ANKS1B: variants seen among roughly 807,000 people sequenced by gnomAD.
The protein encoded by ANKS1B is ankyrin repeat and sterile alpha motif domain containing 1B.
A neutral mutation model predicts 148.3 loss-of-function variants in ANKS1B; 36 were observed. The observed-to-expected ratio is 0.24, with a 90% CI of 0.19 to 0.32. The LOEUF is 0.32. Ranked by LOEUF, ANKS1B falls within the 10% of genes least tolerant of loss-of-function variation. The probability of loss-of-function intolerance (pLI) is 1.00; values close to 1 mark genes in which losing one functional copy is unlikely to be tolerated. For synonymous variants in ANKS1B, 542 were observed against 560.8 expected (o/e 0.97, Z 0.47); for missense variants, 1,157 against 1,542.6 (o/e 0.75, Z 4.19).
chr12:99,574,084 T>G (rs1238507587), intron 9 of ANKS1B, among the ~76,000 whole-genome samples: 1 of 152,176 alleles, frequency 6.6e-6, no homozygotes, highest in East Asian at 1.9e-4. Context: ...ACATCCAGTG[T>G]TTTGTCAGTG....
chr12:99,443,967 A>G (rs558141194), intron 10 of ANKS1B, among the ~76,000 whole-genome samples, 158 bp from the exon 11 acceptor site: 9 of 152,120 alleles, frequency 5.9e-5, no homozygotes, highest in African/African-American at 2.2e-4. Context: ...TATTTTAAAG[A>G]TAATGCTTTT....
intron 10 of ANKS1B, among the ~76,000 whole-genome samples, chr12:99,464,155 C>A (rs2096051972): frequency 6.6e-6 from 1 of 152,180 alleles, no homozygotes; most frequent in South Asian, 2.1e-4. Flanking sequence ...GTTCTGCAGT[C>A]ACTGCTGCTG....
chr12:99,928,732 CAT>C (rs1479152191), intron 1 of ANKS1B, among the ~76,000 whole-genome samples: 3 of 152,196 alleles, frequency 2.0e-5, no homozygotes, highest in Admixed American at 6.5e-5. Context: ...AGCTAACACA[CAT>C]ATACACTTCA....
chr12:98,990,164 T>G (rs1399884623), intron 17 of ANKS1B, among the ~76,000 whole-genome samples: 1 of 152,222 alleles, frequency 6.6e-6, no homozygotes, highest in Non-Finnish European at 1.5e-5. Flanking sequence ...GATCTCTTTC[T>G]ATTTGTGTCT....
At chr12:99,365,089 T>C (rs1014565074) in intron 12 of ANKS1B, among the ~76,000 whole-genome samples, 1 of 152,160 alleles carries the variant, frequency 6.6e-6, no homozygotes, top group Admixed American at 6.5e-5. Context: ...GAGGACTGCT[T>C]GACATGTGGC....
At chr12:98,976,097 G>A (rs1029446070) in intron 17 of ANKS1B, among the ~76,000 whole-genome samples, 3 of 152,198 alleles carry the variant, frequency 2.0e-5, no homozygotes, top group African/African-American at 7.2e-5. Flanking sequence ...TAAGACAAAA[G>A]AAGGAAAGAC....
chr12:99,695,107 T>C (rs765520196), intron 8 of ANKS1B, among the ~76,000 whole-genome samples: 2 of 152,182 alleles, frequency 1.3e-5, no homozygotes, highest in East Asian at 1.9e-4. Flanking sequence ...GCTTAACAAA[T>C]GAGCTCTGTT....
intron 17 of ANKS1B, among the ~76,000 whole-genome samples, chr12:98,963,924 AC>A (rs1288916999): frequency 1.3e-5 from 2 of 152,058 alleles, no homozygotes; most frequent in African/African-American, 4.8e-5. Flanking sequence ...ACATGGAGAA[AC>A]CCTGTCTCTA....
Position 99,098,619 on chromosome 12 carries a change from C to CTTTTTTTT in ANKS1B, c.2527-13604_2527-13597dup, listed in dbSNP as rs71081896. 2.4e-3 allele frequency among the ~76,000 whole-genome samples: 77 copies of CTTTTTTTT among 32,118 alleles called. 10 individuals are homozygous for CTTTTTTTT. Among genetic ancestry groups the CTTTTTTTT allele is most frequent in the African/African-American group, 4.2e-3 (40 of 9,460 alleles). 21.1% of individuals were successfully genotyped at this position (32,118 alleles called of 152,430 possible). ...AATAAAGCATGCCTGCTAGGAACTA[C>CTTTTTTTT]TTTTTTTTTTTTTTTTTTTTTTTTT... On this transcript the variant is annotated intron_variant, in intron 15 of 26. Coordinates refer to ENST00000683438, the MANE Select transcript of ANKS1B (RefSeq NM_001352186.2).
intron 15 of ANKS1B, among the ~76,000 whole-genome samples, chr12:99,150,695 T>C (rs377278329): frequency 1.0e-3 from 159 of 152,214 alleles, no homozygotes; most frequent in African/African-American, 3.7e-3. Flanking sequence ...ACATTTTGTA[T>C]AGTAATCACT....
intron 1 of ANKS1B, among the ~76,000 whole-genome samples, chr12:99,862,901 T>C (rs2090221891): frequency 6.6e-6 from 1 of 152,110 alleles, no homozygotes; most frequent in Admixed American, 6.6e-5. Context: ...GATTCAACAC[T>C]CTTGGATTCA....
At chr12:99,714,307 TA>T (rs2057016440) in intron 8 of ANKS1B, among the ~76,000 whole-genome samples, 1 of 152,240 alleles carries the variant, frequency 6.6e-6, no homozygotes, top group Non-Finnish European at 1.5e-5. Flanking sequence ...TAATCCAGGA[TA>T]ATCTCAAGAA....
At position 98,853,536 on chromosome 12, in the gene ANKS1B, T is replaced by C. The variant is rs114443092; in HGVS notation, c.2779-21400A>G. ...TCACTGTATGTAACTACAAGAACTT[T>C]CGGTGTTTGCATTCTTCCCTTTGCT... is the stretch of plus-strand genomic sequence containing the variant. On this transcript the variant is annotated intron_variant, in intron 17 of 26. Transcript: ENST00000683438. Among the ~76,000 whole-genome samples, 1,217 of 152,280 alleles carry C rather than the reference T, an allele frequency of 8.0e-3. 17 individuals are homozygous for C. Among genetic ancestry groups the C allele is most frequent in the African/African-American group, 0.027 (1,132 of 41,550 alleles).
At chr12:99,537,521 A>C (rs540578054) in intron 9 of ANKS1B, among the ~76,000 whole-genome samples, 25 of 152,258 alleles carry the variant, frequency 1.6e-4, no homozygotes, top group African/African-American at 5.3e-4. Context: ...AATGATGTTG[A>C]ACACCTTTTC....
intron 1 of ANKS1B, among the ~76,000 whole-genome samples, chr12:99,873,640 G>A (rs35320841): frequency 0.29 from 44,340 of 151,988 alleles, 6,919 homozygotes; most frequent in African/African-American, 0.39. Flanking sequence ...TTCATCATCA[G>A]TATATTCATT....
rs564879383 is a variant in ANKS1B, at chr12:99,439,759, T to C, written c.1575+3914A>G. On this transcript the variant is annotated intron_variant, in intron 11 of 26. Transcript: ENST00000683438. ...GGAAGCTTTTTATAAAGTTAGCTAT[T>C]CATCTACCCTGTGATCCAACAATGC... 2.6e-5 allele frequency among the ~76,000 whole-genome samples: 4 copies of C among 151,876 alleles called. No individual in the cohort carries two copies. The South Asian group carries it at 8.3e-4, about 31-fold the overall frequency.
chr12:99,143,796 C>G (rs1296968222), intron 15 of ANKS1B, among the ~76,000 whole-genome samples: 1 of 152,024 alleles, frequency 6.6e-6, no homozygotes, highest in Non-Finnish European at 1.5e-5. Flanking sequence ...TCTCTCACCT[C>G]TCTTGTTGAT....
chr12:99,288,483 C>T (rs1283139459), intron 12 of ANKS1B, among the ~76,000 whole-genome samples: 2 of 152,106 alleles, frequency 1.3e-5, no homozygotes, highest in Non-Finnish European at 2.9e-5. Flanking sequence ...ATACAAAACT[C>T]ACTGGTCATA....
chr12:99,256,263 A>G (rs1225983776), intron 12 of ANKS1B, among the ~76,000 whole-genome samples: 1 of 148,700 alleles, frequency 6.7e-6, no homozygotes, highest in African/African-American at 2.5e-5. Flanking sequence ...AAAAAAAAAG[A>G]AAAAAAAAAG....
Sources: gnomAD v4.1 joint callset for allele counts (sites outside exome capture counted in the v4.1 genomes callset) on GRCh38, gnomAD v4.1.1 for gene constraint, MANE v1.5 for transcripts, NCBI Gene and HGNC (gene_info 2026-07-23, HGNC 2026-07-21) for gene names.